GSDMC: variants seen among roughly 807,000 people sequenced by gnomAD.
The protein encoded by GSDMC is gasdermin C, also known as gasdermin-C.
In GSDMC, 59 loss-of-function variants were observed where a neutral mutation model predicts 58.0. That is an observed-to-expected ratio of 1.02 (90% confidence interval 0.82 to 1.26). The LOEUF is 1.26. GSDMC is among the 50% of genes most tolerant of loss of function. The pLI is 0.00. For synonymous variants in GSDMC, 241 were observed against 220.2 expected (o/e 1.09, Z -0.83); for missense variants, 659 against 598.5 (o/e 1.10, Z -1.06).
intron 13 of GSDMC, 133 bp downstream of exon 13, chr8:129,749,319 C>T (rs1473844678): frequency 9.1e-6 from 6 of 656,612 alleles, no homozygotes; most frequent in Non-Finnish European, 1.7e-5. Flanking sequence ...AAGGATTCCC[C>T]AGTGGCCACC....
chr8:129,762,995 C>T (rs1004591201), intron 4 of GSDMC, among the ~76,000 whole-genome samples: 1 of 151,968 alleles, frequency 6.6e-6, no homozygotes, highest in Non-Finnish European at 1.5e-5. Context: ...ATGTTGAATT[C>T]GTTTTCCTTC....
intron 6 of GSDMC, among the ~76,000 whole-genome samples, chr8:129,757,531 T>C (rs1273075027): frequency 7.2e-5 from 11 of 151,772 alleles, no homozygotes; most frequent in Admixed American, 7.2e-4. Flanking sequence ...GAAGAGATAA[T>C]ACTTCAAAAC....
chr8:129,767,699 C>A (rs754104856), intron 3 of GSDMC, among the ~76,000 whole-genome samples: 2 of 152,072 alleles, frequency 1.3e-5, no homozygotes, highest in Admixed American at 1.3e-4. Context: ...TACCCAAACA[C>A]GGAGCCCAGC....
chr8:129,751,627 A>G (rs2033196358), intron 9 of GSDMC, 59 bp from the exon 10 acceptor site: 2 of 1,538,522 alleles, frequency 1.3e-6, no homozygotes, highest in East Asian at 4.5e-5. Flanking sequence ...TGCTTTTCAG[A>G]TGTTTTGGAG....
chr8:129,754,185 C>A (rs1254722257), intron 6 of GSDMC, among the ~76,000 whole-genome samples: 3 of 152,158 alleles, frequency 2.0e-5, no homozygotes, highest in Non-Finnish European at 4.4e-5. Context: ...TTACAGCAGG[C>A]CTTGGGTGAG....
chr8:129,783,923 C>A (rs2034485959), intron 1 of GSDMC, among the ~76,000 whole-genome samples: 7 of 152,004 alleles, frequency 4.6e-5, no homozygotes, highest in Admixed American at 4.6e-4. Context: ...AATCGAGAAC[C>A]CAGAAACAAA....
Position 129,751,741 on chromosome 8 carries a change from A to G in GSDMC, c.916+121T>C, listed in dbSNP as rs1488486294. 4.1e-5 allele frequency: 48 copies of G among 1,175,870 alleles called. No homozygotes were observed. The East Asian group carries it at 1.1e-3, about 27-fold the overall frequency. The allele number at this position is 1,175,870 out of a possible 1,614,324, so 72.8% of individuals were successfully genotyped here. ...GCTTTCTGGACCCTTCCCATTCCACATGACCAAACGCCAGGCCCTAGGGCG... is the reference window on the plus strand; with the variant it reads ...GCTTTCTGGACCCTTCCCATTCCACGTGACCAAACGCCAGGCCCTAGGGCG... On this transcript the variant is annotated intron_variant, in intron 9 of 13. Transcript: ENST00000276708.
At chr8:129,730,501 C>T in the GSDMC span, 2 of 603,940 alleles carry the variant, frequency 3.3e-6, no homozygotes, top group Non-Finnish European at 5.1e-6. Flanking sequence ...TACAGCACAT[C>T]CACATAGTGT....
chr8:129,720,410 G>C, the GSDMC span, among the ~76,000 whole-genome samples: 1 of 152,124 alleles, frequency 6.6e-6, no homozygotes, highest in Non-Finnish European at 1.5e-5. Context: ...TCATTTAATA[G>C]AGTATGTTTT....
chr8:129,733,522 C>A, the GSDMC span, among the ~76,000 whole-genome samples: 5 of 152,176 alleles, frequency 3.3e-5, no homozygotes, highest in African/African-American at 2.4e-5. Flanking sequence ...GATACCCAGG[C>A]AAATAGGGTC....
chr8:129,781,793 C>T (rs898992820), intron 1 of GSDMC, among the ~76,000 whole-genome samples: 1 of 151,234 alleles, frequency 6.6e-6, no homozygotes, highest in African/African-American at 2.4e-5. Flanking sequence ...ATCTCACTTT[C>T]AGCATTGGAC....
At chr8:129,785,402 G>A (rs1471576605) in intron 1 of GSDMC, among the ~76,000 whole-genome samples, 1 of 151,442 alleles carries the variant, frequency 6.6e-6, no homozygotes, top group African/African-American at 2.4e-5. Flanking sequence ...AGATATTAGG[G>A]GGTGGGAGGG....
chr8:129,710,347 G>A, the GSDMC span, among the ~76,000 whole-genome samples: 1 of 152,180 alleles, frequency 6.6e-6, no homozygotes, highest in Non-Finnish European at 1.5e-5. Context: ...AGACCTGCCG[G>A]CATAAAGGAA....
chr8:129,752,065 G>A (rs770506910), intron 8 of GSDMC, 41 bp downstream of exon 8: 4 of 1,584,748 alleles, frequency 2.5e-6, no homozygotes, highest in South Asian at 1.1e-5. Flanking sequence ...GTTTTTTGTT[G>A]TGCAGATTGT....
intron 1 of GSDMC, among the ~76,000 whole-genome samples, chr8:129,778,387 G>C (rs764504368): frequency 6.6e-6 from 1 of 152,066 alleles, no homozygotes; most frequent in African/African-American, 2.4e-5. Context: ...AATGGTGCTG[G>C]GATACCTGGC....
intron 3 of GSDMC, among the ~76,000 whole-genome samples, chr8:129,768,144 G>A (rs530303075): frequency 1.5e-4 from 23 of 152,286 alleles, no homozygotes; most frequent in Non-Finnish European, 2.8e-4. Flanking sequence ...GGCAGTGGCC[G>A]CATCAACTAG....
the GSDMC span, among the ~76,000 whole-genome samples, chr8:129,723,800 T>G: frequency 6.6e-6 from 1 of 152,236 alleles, no homozygotes; most frequent in Non-Finnish European, 1.5e-5. Context: ...AAATGGTTTA[T>G]TTCTCTATGA....
At chr8:129,730,537 A>G in the GSDMC span, 2 of 418,936 alleles carry the variant, frequency 4.8e-6, no homozygotes, top group Non-Finnish European at 7.7e-6. Flanking sequence ...CTCTTAAAAA[A>G]CATGAGTTAA....
Position 129,749,531 on chromosome 8 carries a change from G to T in GSDMC, c.1214-6C>A. Reference sequence around the variant, plus strand: ...GTGTTGGAAGTCACTCAGCACTGAGGGTGGGGGACATGTGGGGAAAGACAG... The same window carrying T: ...GTGTTGGAAGTCACTCAGCACTGAGTGTGGGGGACATGTGGGGAAAGACAG... On this transcript the variant is annotated splice_polypyrimidine_tract_variant and splice_region_variant and intron_variant, in intron 12 of 13. Transcript: ENST00000276708. The T allele has an allele frequency of 1.2e-6, 2 of 1,610,600 alleles. No homozygotes were observed. Among genetic ancestry groups the T allele is most frequent in the Non-Finnish European group, 1.7e-6 (2 of 1,176,860 alleles).
Sources: allele counts gnomAD v4.1 joint callset (sites outside exome capture counted in the v4.1 genomes callset), GRCh38; gene constraint gnomAD v4.1.1; transcripts MANE v1.5; gene names NCBI Gene and HGNC (gene_info 2026-07-23, HGNC 2026-07-21).